Variants in ARHGAP25 observed in about 807,000 individuals in gnomAD.
ARHGAP25 encodes the protein rho GTPase-activating protein 25.
ARHGAP25 carries 34 observed loss-of-function variants against 71.0 expected under a neutral mutation model. The observed-to-expected ratio is 0.48, with a 90% CI of 0.36 to 0.64. ARHGAP25 has a LOEUF of 0.64. Ranked by LOEUF, ARHGAP25 falls within the 30% of genes least tolerant of loss-of-function variation. The probability of loss-of-function intolerance (pLI) is 0.00; values close to 1 mark genes in which losing one functional copy is unlikely to be tolerated. For missense variants in ARHGAP25, 706 were observed against 805.1 expected (o/e 0.88, Z 1.49); for synonymous variants, 282 against 296.5 (o/e 0.95, Z 0.50).
intron 4 of ARHGAP25, among the ~76,000 whole-genome samples, chr2:68,796,818 G>A (rs1221107139): frequency 3.9e-5 from 6 of 152,156 alleles, no homozygotes; most frequent in Non-Finnish European, 7.4e-5. Flanking sequence ...TAGTAGTGGT[G>A]TACTGGGCAG....
chr2:68,713,417 G>T (rs1023058967), intron 2 of ARHGAP25, among the ~76,000 whole-genome samples: 1 of 152,164 alleles, frequency 6.6e-6, no homozygotes, highest in African/African-American at 2.4e-5. Flanking sequence ...AGACGATGGG[G>T]TTTTCTAAAT....
chr2:68,736,381 T>TA (rs1173152384), intron 1 of ARHGAP25, among the ~76,000 whole-genome samples: 1 of 152,324 alleles, frequency 6.6e-6, no homozygotes, highest in Admixed American at 6.5e-5. Context: ...TCATACCTCT[T>TA]ACAAAAGCAA....
chr2:68,716,439 A>G (rs1674610399), intron 2 of ARHGAP25, among the ~76,000 whole-genome samples: 1 of 152,226 alleles, frequency 6.6e-6, no homozygotes, highest in Admixed American at 6.5e-5. Flanking sequence ...GGCTTCTTCC[A>G]AAATGCAGAC....
intron 1 of ARHGAP25, among the ~76,000 whole-genome samples, chr2:68,764,182 G>A (rs933530952): frequency 2.0e-5 from 3 of 152,126 alleles, no homozygotes; most frequent in Middle Eastern, 3.2e-3. Flanking sequence ...TTCTTTGTGT[G>A]GCATGAATCA....
intron 4 of ARHGAP25, among the ~76,000 whole-genome samples, chr2:68,794,916 T>C (rs1375360125): frequency 6.6e-6 from 1 of 152,056 alleles, no homozygotes; most frequent in Non-Finnish European, 1.5e-5. Context: ...GTTTTTCTTT[T>C]TTGGAAGATT....
intron 1 of ARHGAP25, among the ~76,000 whole-genome samples, chr2:68,745,012 A>G (rs1237403370): frequency 6.6e-6 from 1 of 152,214 alleles, no homozygotes; most frequent in African/African-American, 2.4e-5. Flanking sequence ...AAAAAAGGAC[A>G]CTTGACTTAA....
At chr2:68,818,653 C>T (rs1168904085) in intron 8 of ARHGAP25, among the ~76,000 whole-genome samples, 1 of 152,224 alleles carries the variant, frequency 6.6e-6, no homozygotes, top group Admixed American at 6.5e-5. Context: ...AGCCAGCCCA[C>T]AAAAAGGCTG....
intron 4 of ARHGAP25, among the ~76,000 whole-genome samples, chr2:68,790,021 C>T (rs1679052360): frequency 6.6e-6 from 1 of 152,302 alleles, no homozygotes; most frequent in African/African-American, 2.4e-5. Context: ...TGGAGTCTCA[C>T]TCTGTCTCCC....
intron 10 of ARHGAP25, among the ~76,000 whole-genome samples, chr2:68,824,699 GC>G (rs1573654352): frequency 6.6e-6 from 1 of 152,046 alleles, no homozygotes; most frequent in African/African-American, 2.4e-5. Flanking sequence ...CCGAGATCAT[GC>G]CACTGCACTC....
chr2:68,790,502 C>A (rs1412822744), intron 4 of ARHGAP25, among the ~76,000 whole-genome samples: 1 of 152,174 alleles, frequency 6.6e-6, no homozygotes. Flanking sequence ...CAGCACATTA[C>A]CACTTGGAAA....
chr2:68,807,788 C>T (rs918451010), intron 5 of ARHGAP25, among the ~76,000 whole-genome samples: 4 of 152,116 alleles, frequency 2.6e-5, no homozygotes, highest in Admixed American at 6.5e-5. Flanking sequence ...AAAGATGGGA[C>T]GTTGCCTGAG....
intron 6 of ARHGAP25, among the ~76,000 whole-genome samples, chr2:68,815,065 T>C (rs769513489): frequency 3.3e-5 from 5 of 152,258 alleles, no homozygotes; most frequent in Non-Finnish European, 7.3e-5. Flanking sequence ...GGCAGCTAGA[T>C]GCTGTTCTGA....
chr2:68,798,763 G>A (rs1558645509), intron 4 of ARHGAP25, among the ~76,000 whole-genome samples: 1 of 152,196 alleles, frequency 6.6e-6, no homozygotes. Context: ...CAGAAAAGGG[G>A]GAAGCAGAAT....
At chr2:68,726,154 G>A (rs1259137652) in intron 2 of ARHGAP25, among the ~76,000 whole-genome samples, 1 of 152,078 alleles carries the variant, frequency 6.6e-6, no homozygotes, top group Non-Finnish European at 1.5e-5. Context: ...ACAAAAGCAG[G>A]CGTTTTCATC....
intron 7 of ARHGAP25, chr2:68,816,983 C>T (rs747697608): frequency 1.3e-5 from 2 of 152,272 alleles, no homozygotes; most frequent in Non-Finnish European, 2.9e-5. Context: ...CAGCAACAAG[C>T]ACTATTAACA....
chr2:68,718,530 A>AGT (rs34203928), intron 2 of ARHGAP25, among the ~76,000 whole-genome samples: 5,605 of 151,194 alleles, frequency 0.037, 281 homozygotes, highest in African/African-American at 0.12. Flanking sequence ...GAAATATATA[A>AGT]GTGTGTGTGT....
At chr2:68,818,137 A>G in intron 8 of ARHGAP25, 143 bp downstream of exon 8, 1 of 1,153,606 alleles carries the variant, frequency 8.7e-7, no homozygotes, top group Non-Finnish European at 1.2e-6. Flanking sequence ...TAGCCTTGTG[A>G]GGTAGGCAGG....
At chr2:68,774,803 G>C in intron 1 of ARHGAP25, 1 of 1,086,720 alleles carries the variant, frequency 9.2e-7, no homozygotes, top group Non-Finnish European at 1.1e-6. Context: ...GACTCACCCC[G>C]AGCCTTCAGA....
chr2:68,815,730 A>G (rs1051036775), intron 6 of ARHGAP25, among the ~76,000 whole-genome samples: 1 of 152,086 alleles, frequency 6.6e-6, no homozygotes, highest in African/African-American at 2.4e-5. Context: ...TCTCCAGCAC[A>G]TGCATTCCTA....
Sources: allele counts gnomAD v4.1 joint callset (sites outside exome capture counted in the v4.1 genomes callset), GRCh38; gene constraint gnomAD v4.1.1; transcripts MANE v1.5; gene names NCBI Gene and HGNC (gene_info 2026-07-23, HGNC 2026-07-21).